The following RHEB variants were observed in gnomAD, a reference collection of about 807,000 sequenced individuals.
The protein encoded by RHEB is GTP-binding protein Rheb.
Under a neutral mutation model 28.8 loss-of-function variants are expected in RHEB, and 2 were observed. That is an observed-to-expected ratio of 0.07 (90% CI 0.03 to 0.22). The LOEUF (loss-of-function observed/expected upper bound fraction) is 0.22, where lower values mean the gene tolerates loss of function less well. Ranked by LOEUF, RHEB falls within the 10% of genes least tolerant of loss-of-function variation. The pLI is 1.00. For synonymous variants in RHEB, 69 were observed against 77.3 expected, an observed-to-expected ratio of 0.89 and a Z score of 0.56; for missense variants, 76 against 219.9, an observed-to-expected ratio of 0.35 and a Z score of 4.14.
At chr7:151,467,252 GC>G (rs776828341) in intron 7 of RHEB, 41 bp from the exon 8 acceptor site, 7 of 1,428,570 alleles carry the variant, frequency 4.9e-6, no homozygotes, top group Non-Finnish European at 6.9e-6. Context: ...TTAGTGTGAA[GC>G]CGAACTCCGA....
intron 3 of RHEB, among the ~76,000 whole-genome samples, chr7:151,481,430 A>G (rs1385596742): frequency 6.6e-6 from 1 of 152,238 alleles, no homozygotes; most frequent in African/African-American, 2.4e-5. Flanking sequence ...AATTTACTAT[A>G]GATTACTTTT....
intron 3 of RHEB, among the ~76,000 whole-genome samples, chr7:151,482,375 A>T (rs1281628605): frequency 6.6e-6 from 1 of 152,160 alleles, no homozygotes; most frequent in Non-Finnish European, 1.5e-5. Flanking sequence ...CAGTGTTGGG[A>T]TTAAGGGCAT....
At chr7:151,489,156 G>A (rs1192012493) in intron 2 of RHEB, among the ~76,000 whole-genome samples, 1 of 152,196 alleles carries the variant, frequency 6.6e-6, no homozygotes. Context: ...TAGAGGCAGA[G>A]CTTACGAAGA....
At chr7:151,477,893 G>T (rs568796928) in intron 3 of RHEB, among the ~76,000 whole-genome samples, 1 of 152,202 alleles carries the variant, frequency 6.6e-6, no homozygotes, top group South Asian at 2.1e-4. Flanking sequence ...TGCTAGAGGG[G>T]TGCCATCAGC....
rs144856515 is a variant in RHEB, at chr7:151,472,730, C to T, written c.276-1125G>A. ...GTCCGCAAGGGCAGGGATTTGTCTG[C>T]TTTGTTCATGATTGCATCACAAGCT... On this transcript the variant is annotated intron_variant, in intron 4 of 7. Coordinates refer to ENST00000262187, the MANE Select transcript of RHEB (RefSeq NM_005614.4). The surrounding 1 kb of genome is among the most constrained non-coding windows in gnomAD (Gnocchi z 5.2). Among the ~76,000 whole-genome samples, 899 of 152,302 alleles carry T rather than the reference C, an allele frequency of 5.9e-3. 8 individuals are homozygous for T. Among genetic ancestry groups the T allele is most frequent in the African/African-American group, 0.02 (836 of 41,562 alleles).
rs1287101595 is a variant in RHEB at position 151,487,884 on chromosome 7, G to A, written c.124+3059C>T. 3.9e-5 allele frequency among the ~76,000 whole-genome samples: 6 copies of A among 152,252 alleles called. 1 individual carries two copies. In the South Asian group the frequency reaches 1.0e-3, roughly 26 times the overall value. On this transcript the variant is annotated intron_variant, in intron 2 of 7. Transcript: ENST00000262187. ...TTTACTAGTAAATGCTACTAACCAC[G>A]GTCATAGAGGTTTCCAAAATTTGGT... is the stretch of plus-strand genomic sequence containing the variant.
At chr7:151,500,252 T>C (rs1802750438) in intron 1 of RHEB, among the ~76,000 whole-genome samples, 1 of 152,228 alleles carries the variant, frequency 6.6e-6, no homozygotes, top group Non-Finnish European at 1.5e-5. Flanking sequence ...CTGGACTTTT[T>C]TTAGTCCACT....
Position 151,471,386 on chromosome 7 carries a change from C to T in RHEB, c.380+8G>A. The T allele has an allele frequency of 6.6e-7, 1 of 1,520,964 alleles. No homozygotes were observed. Among genetic ancestry groups the T allele is most frequent in the Non-Finnish European group, 9.1e-7 (1 of 1,098,962 alleles). The allele number at this position is 1,520,964 out of a possible 1,614,324, so 94.2% of individuals were successfully genotyped here. ...CATCTTAGATTTGACTTTATAAAAGCTACATACCTTTCCATATGCAGGTCT... is the reference window on the plus strand; with the variant it reads ...CATCTTAGATTTGACTTTATAAAAGTTACATACCTTTCCATATGCAGGTCT... On this transcript the variant is annotated splice_region_variant and intron_variant, in intron 6 of 7. Coordinates refer to ENST00000262187, the MANE Select transcript of RHEB (RefSeq NM_005614.4).
rs573203748 is a variant in RHEB, at chr7:151,467,289, G to A, written c.463-78C>T. On this transcript the variant is annotated intron_variant, in intron 7 of 7. Transcript: ENST00000262187. Reference sequence around the variant, plus strand: ...GAGTATTTTACGGACTGAGGAGGGCGTGCCGCCTGCCCTGCCCTCCTACTG... The same window carrying A: ...GAGTATTTTACGGACTGAGGAGGGCATGCCGCCTGCCCTGCCCTCCTACTG... 347 of 1,063,206 alleles carry A rather than the reference G, an allele frequency of 3.3e-4. 5 individuals carry two copies. In the South Asian group the frequency reaches 4.3e-3, roughly 13 times the overall value. The allele number at this position is 1,063,206 out of a possible 1,614,324, so 65.9% of individuals were successfully genotyped here. A position where few individuals can be genotyped will look rare whatever the true frequency, so the allele number is the denominator to read the frequency against.
intron 2 of RHEB, among the ~76,000 whole-genome samples, chr7:151,490,365 A>C (rs901905054): frequency 1.3e-5 from 2 of 152,210 alleles, no homozygotes; most frequent in African/African-American, 4.8e-5. Flanking sequence ...GAACAAAGTA[A>C]AGGTCATGGC....
At chr7:151,487,641 C>A (rs941356268) in intron 2 of RHEB, among the ~76,000 whole-genome samples, 9 of 152,014 alleles carry the variant, frequency 5.9e-5, no homozygotes, top group African/African-American at 2.2e-4. Flanking sequence ...AGGAAAACTG[C>A]CAGTTTTTTA....
At chr7:151,499,861 T>G (rs73478511) in intron 1 of RHEB, among the ~76,000 whole-genome samples, 1 of 152,132 alleles carries the variant, frequency 6.6e-6, no homozygotes, top group Non-Finnish European at 1.5e-5. Flanking sequence ...CAGGCTGGAG[T>G]GCAGTAGAGC....
At chr7:151,489,516 C>T (rs766571202) in intron 2 of RHEB, among the ~76,000 whole-genome samples, 1 of 152,218 alleles carries the variant, frequency 6.6e-6, no homozygotes, top group African/African-American at 2.4e-5. Context: ...TCCTTCTCTG[C>T]TACCAGCACA....
chr7:151,482,543 C>G (rs890147816), intron 3 of RHEB, among the ~76,000 whole-genome samples: 1 of 152,202 alleles, frequency 6.6e-6, no homozygotes, highest in African/African-American at 2.4e-5. Context: ...CGTGTTTCCA[C>G]AGTAACATTA....
intron 7 of RHEB, among the ~76,000 whole-genome samples, chr7:151,469,824 T>C (rs1186152618): frequency 1.3e-5 from 2 of 152,184 alleles, no homozygotes; most frequent in Non-Finnish European, 2.9e-5. Context: ...AATTATTGAC[T>C]GCATTCAGGA....
chr7:151,498,489 T>A (rs1802713472), intron 1 of RHEB, among the ~76,000 whole-genome samples: 1 of 151,728 alleles, frequency 6.6e-6, no homozygotes. Flanking sequence ...TAGCAGGGTG[T>A]GGTAGTGCAC....
At chr7:151,513,256 T>C (rs926922418) in intron 1 of RHEB, among the ~76,000 whole-genome samples, 2 of 152,240 alleles carry the variant, frequency 1.3e-5, no homozygotes, top group African/African-American at 4.8e-5. Flanking sequence ...AATGCCTTTT[T>C]TACTTGCAAG....
intron 3 of RHEB, 63 bp from the exon 4 acceptor site, chr7:151,477,478 A>T: frequency 1.1e-6 from 1 of 912,248 alleles, no homozygotes; most frequent in Non-Finnish European, 1.7e-6. Flanking sequence ...AACTTTACCC[A>T]AAGTTTTTCA....
rs1373544491 is a variant in RHEB, at chr7:151,472,990, C to T, written c.276-1385G>A. On this transcript the variant is annotated intron_variant, in intron 4 of 7. Coordinates refer to ENST00000262187, the MANE Select transcript of RHEB (RefSeq NM_005614.4). This position sits in a 1 kb window ranked among gnomAD's most constrained non-coding sequence, Gnocchi z 5.2. ...CGCCACTTGGGCAAAAATACAGTAC[C>T]CTGTCACGTGAGAAACAGCTGAAAG... 6.6e-6 allele frequency among the ~76,000 whole-genome samples: 1 copy of T among 152,166 alleles called. No individual in the cohort carries two copies. Among genetic ancestry groups the T allele is most frequent in the East Asian group, 1.9e-4 (1 of 5,200 alleles).
Sources: allele counts gnomAD v4.1 joint callset (sites outside exome capture counted in the v4.1 genomes callset), GRCh38; gene constraint gnomAD v4.1.1; non-coding constraint Gnocchi (gnomAD v3.1); transcripts MANE v1.5; gene names NCBI Gene and HGNC (gene_info 2026-07-23, HGNC 2026-07-21).